The following RFTN2 variants were observed in gnomAD, a reference collection of about 807,000 sequenced individuals.
RFTN2 encodes the protein raftlin-2.
A neutral mutation model predicts 52.7 loss-of-function variants in RFTN2; 34 were observed. That is an observed-to-expected ratio of 0.64 (90% CI 0.49 to 0.86). The LOEUF (loss-of-function observed/expected upper bound fraction) is 0.86, where lower values mean the gene tolerates loss of function less well. Ranked by LOEUF, RFTN2 falls within the 40% of genes least tolerant of loss-of-function variation. The pLI, the probability that RFTN2 is intolerant of heterozygous loss-of-function variation, is 0.00. For missense variants in RFTN2, 536 were observed against 600.1 expected, an observed-to-expected ratio of 0.89 and a Z score of 1.12; for synonymous variants, 203 against 217.7, an observed-to-expected ratio of 0.93 and a Z score of 0.59.
intron 3 of RFTN2, among the ~76,000 whole-genome samples, chr2:197,637,798 T>G (rs1022521075): frequency 6.6e-5 from 10 of 151,836 alleles, no homozygotes; most frequent in Admixed American, 5.2e-4. Flanking sequence ...ATGTGTTTGC[T>G]CTTGCTTTTC....
At chr2:197,663,164 A>G (rs1231998673) in intron 1 of RFTN2, among the ~76,000 whole-genome samples, 1 of 152,174 alleles carries the variant, frequency 6.6e-6, no homozygotes, top group Admixed American at 6.5e-5. Context: ...CATAAATTAA[A>G]CCATGTTTGC....
chr2:197,654,007 G>A (rs563569648), intron 1 of RFTN2, among the ~76,000 whole-genome samples: 3 of 152,138 alleles, frequency 2.0e-5, no homozygotes, highest in Non-Finnish European at 4.4e-5. Flanking sequence ...GTAGAAAGCT[G>A]TCATACAAAT....
chr2:197,633,686 T>C, intron 4 of RFTN2, 32 bp downstream of exon 4: 1 of 1,576,354 alleles, frequency 6.3e-7, no homozygotes, highest in East Asian at 2.2e-5. Flanking sequence ...TAAACTATAG[T>C]ATATTCTCTT....
chr2:197,590,861 A>G (rs539096704), intron 8 of RFTN2, among the ~76,000 whole-genome samples: 1 of 152,318 alleles, frequency 6.6e-6, no homozygotes, highest in East Asian at 1.9e-4. Flanking sequence ...CAGCTCATAA[A>G]GACAGTGTGG....
chr2:197,646,441 A>G (rs1182612146), intron 2 of RFTN2, 42 bp downstream of exon 2: 4 of 1,516,142 alleles, frequency 2.6e-6, no homozygotes, highest in Non-Finnish European at 3.6e-6. Flanking sequence ...GACAAAGAGA[A>G]CTGTCACCCT....
chr2:197,608,970 T>C (rs1228911001), intron 7 of RFTN2, among the ~76,000 whole-genome samples: 1 of 152,248 alleles, frequency 6.6e-6, no homozygotes, highest in African/African-American at 2.4e-5. Flanking sequence ...ACTCATCCTT[T>C]TTTTATGGCT....
At position 197,665,517 on chromosome 2, in the gene RFTN2, C is replaced by CTTTTTTTTTTTTTTTTTTTTTTTTT; in HGVS notation, c.139+9802_139+9803insAAAAAAAAAAAAAAAAAAAAAAAAA. 6.0e-4 allele frequency among the ~76,000 whole-genome samples: 25 copies of CTTTTTTTTTTTTTTTTTTTTTTTTT among 41,482 alleles called. 2 individuals are homozygous for CTTTTTTTTTTTTTTTTTTTTTTTTT. The highest frequency in any genetic ancestry group is 1.8e-3 in the African/African-American group (13 of 7,072). 27.2% of individuals were successfully genotyped at this position (41,482 alleles called of 152,430 possible). ...ATTCCTTTATCATTATGTACCTTGC[C>CTTTTTTTTTTTTTTTTTTTTTTTTT]TTTTTTTTTTTTTTTTACTGTTTTC... On this transcript the variant is annotated intron_variant, in intron 1 of 8. Transcript: ENST00000295049.
In RFTN2 at chr2:197,590,609, G is replaced by C. The variant is rs547087718; in HGVS notation, c.1233+5382C>G. Among the ~76,000 whole-genome samples the C allele has an allele frequency of 2.6e-5, 4 of 152,332 alleles. No individual in the cohort carries two copies. The South Asian group carries it at 8.3e-4, about 32-fold the overall frequency. ...GAGTGAAGCCACGGACTCTCACGGT[G>C]AGTGTTATGGTTCTTAAAGGCGGCG... is the stretch of plus-strand genomic sequence containing the variant. On this transcript the variant is annotated intron_variant, in intron 8 of 8. Transcript: ENST00000295049.
chr2:197,594,681 T>C (rs928063379), intron 8 of RFTN2, among the ~76,000 whole-genome samples: 3 of 152,208 alleles, frequency 2.0e-5, no homozygotes, highest in Non-Finnish European at 4.4e-5. Flanking sequence ...ATCCTCATTG[T>C]TGTGGAGGGT....
At chr2:197,611,857 G>A (rs559696923) in intron 7 of RFTN2, among the ~76,000 whole-genome samples, 49 of 152,070 alleles carry the variant, frequency 3.2e-4, no homozygotes, top group South Asian at 8.3e-4. Context: ...TTCTGCCTTC[G>A]TTTTGTTATT....
chr2:197,574,155 A>G (rs1048032723), intron 8 of RFTN2, among the ~76,000 whole-genome samples: 4 of 152,172 alleles, frequency 2.6e-5, no homozygotes, highest in African/African-American at 7.2e-5. Context: ...AGAATGGTAG[A>G]TCCACTGACA....
At chr2:197,575,687 C>T (rs1269009109) in intron 8 of RFTN2, among the ~76,000 whole-genome samples, 1 of 143,836 alleles carries the variant, frequency 7.0e-6, no homozygotes, top group African/African-American at 2.6e-5. Flanking sequence ...ATTACTTGGG[C>T]CTGGGAGTTC....
chr2:197,638,772 T>C (rs1360204404), intron 3 of RFTN2, among the ~76,000 whole-genome samples: 2 of 118,182 alleles, frequency 1.7e-5, no homozygotes, highest in African/African-American at 6.7e-5. Flanking sequence ...GTGAATTTGA[T>C]CCTGTCATTA....
intron 8 of RFTN2, among the ~76,000 whole-genome samples, chr2:197,586,956 A>G (rs2087609393): frequency 6.6e-6 from 1 of 152,214 alleles, no homozygotes; most frequent in Non-Finnish European, 1.5e-5. Flanking sequence ...AAACTCTCCA[A>G]CCAAGCAAGT....
chr2:197,663,653 CTGTGGTTATCAGTTG>C (rs1160450469), intron 1 of RFTN2, among the ~76,000 whole-genome samples: 1 of 152,022 alleles, frequency 6.6e-6, no homozygotes, highest in Non-Finnish European at 1.5e-5. Context: ...TTTTGTATTT[CTGTGGTTATCAGTTG>C]TAATGTCTCC....
At chr2:197,603,844 T>C (rs2087917738) in intron 7 of RFTN2, among the ~76,000 whole-genome samples, 1 of 152,144 alleles carries the variant, frequency 6.6e-6, no homozygotes, top group Non-Finnish European at 1.5e-5. Flanking sequence ...GAAGAATCGC[T>C]TGAACCCGGG....
intron 1 of RFTN2, among the ~76,000 whole-genome samples, chr2:197,670,798 T>C (rs1423711604): frequency 6.6e-6 from 1 of 152,250 alleles, no homozygotes; most frequent in Non-Finnish European, 1.5e-5. Context: ...GAAATTGCTC[T>C]TTGACCACAG....
At chr2:197,660,643 C>T (rs1377900477) in intron 1 of RFTN2, among the ~76,000 whole-genome samples, 1 of 151,376 alleles carries the variant, frequency 6.6e-6, no homozygotes, top group Admixed American at 6.6e-5. Flanking sequence ...TGCAGTGGTG[C>T]CTCCCAGGTT....
At chr2:197,588,296 AC>A (rs2087634290) in intron 8 of RFTN2, among the ~76,000 whole-genome samples, 1 of 152,092 alleles carries the variant, frequency 6.6e-6, no homozygotes, top group Non-Finnish European at 1.5e-5. Context: ...ATGGAGTTTC[AC>A]TCTGTCTTGA....
Sources: allele counts gnomAD v4.1 joint callset (sites outside exome capture counted in the v4.1 genomes callset), GRCh38; gene constraint gnomAD v4.1.1; transcripts MANE v1.5; gene names NCBI Gene and HGNC (gene_info 2026-07-23, HGNC 2026-07-21).